Variants in SLCO1B3 observed in about 807,000 individuals in gnomAD.
SLCO1B3 encodes the protein liver-specific organic anion transporter 2.
A neutral mutation model predicts 71.8 loss-of-function variants in SLCO1B3; 72 were observed. That is an observed-to-expected ratio of 1.00 (90% CI 0.83 to 1.22). The LOEUF is 1.22. SLCO1B3 is among the 50% of genes most tolerant of loss of function. The pLI, the probability that SLCO1B3 is intolerant of heterozygous loss-of-function variation, is 0.00. For missense variants in SLCO1B3, 911 were observed against 819.7 expected, an observed-to-expected ratio of 1.11 and a Z score of -1.36; for synonymous variants, 298 against 278.4, an observed-to-expected ratio of 1.07 and a Z score of -0.70.
intron 3 of SLCO1B3, chr12:20,845,157 G>A: frequency 6.5e-6 from 3 of 464,058 alleles, no homozygotes; most frequent in Non-Finnish European, 8.6e-6. Flanking sequence ...AGCTCACCGG[G>A]CTGATTGTGA....
intron 3 of SLCO1B3, among the ~76,000 whole-genome samples, chr12:20,836,798 C>T (rs139245327): frequency 0.048 from 7,253 of 152,056 alleles, 228 homozygotes; most frequent in East Asian, 0.18. Flanking sequence ...CCCACCACCA[C>T]GCCTGGCTAA....
intron 3 of SLCO1B3, among the ~76,000 whole-genome samples, chr12:20,829,931 T>C (rs1359096381): frequency 6.6e-6 from 1 of 152,172 alleles, no homozygotes; most frequent in Non-Finnish European, 1.5e-5. Context: ...TGTGGCCATT[T>C]GGTTTTGGTG....
intron 3 of SLCO1B3, chr12:20,845,125 C>A: frequency 2.3e-6 from 1 of 441,754 alleles, no homozygotes. Flanking sequence ...TATTATCCAG[C>A]AAGACTTAGA....
chr12:20,828,644 C>G (rs11519058), intron 3 of SLCO1B3, among the ~76,000 whole-genome samples: 68,045 of 149,936 alleles, frequency 0.45, 17,666 homozygotes, highest in South Asian at 0.65. Context: ...CACACACACA[C>G]ATACACACAC....
In SLCO1B3 at chr12:20,897,311, C is replaced by T. The variant is rs553722570; in HGVS notation, c.1683-1125C>T. Among the ~76,000 whole-genome samples, 6 of 152,224 alleles carry T rather than the reference C, an allele frequency of 3.9e-5. No individual in the cohort carries two copies. The South Asian group carries it at 6.2e-4, about 16-fold the overall frequency. On this transcript the variant is annotated intron_variant, in intron 13 of 15. Transcript: ENST00000381545. Reference sequence around the variant, plus strand: ...TTTTTGTCTTTTAAAATTTTATAAGCGCTATTGAATTCTTTTCAGAATCTC... The same window carrying T: ...TTTTTGTCTTTTAAAATTTTATAAGTGCTATTGAATTCTTTTCAGAATCTC...
In SLCO1B3 at chr12:20,916,257, G is replaced by T. The variant is rs1248273345; in HGVS notation, c.*10G>T. On this transcript the variant is annotated 3_prime_UTR_variant, in exon 16 of 16. Transcript: ENST00000381545. Reference sequence around the variant, plus strand: ...TGCTGCTGCCAACTAACATTGCATTGATTCATTAAGATGTTATTTTTGAGG... The same window carrying T: ...TGCTGCTGCCAACTAACATTGCATTTATTCATTAAGATGTTATTTTTGAGG... 2.5e-6 allele frequency: 4 copies of T among 1,607,402 alleles called. No individual in the cohort carries two copies. Among genetic ancestry groups the T allele is most frequent in the Non-Finnish European group, 3.4e-6 (4 of 1,176,350 alleles).
chr12:20,909,165 C>CTTTTTTTTTTTTTTTTTTTTTTT (rs1006708034), intron 15 of SLCO1B3, among the ~76,000 whole-genome samples: 1 of 123,864 alleles, frequency 8.1e-6, no homozygotes, highest in African/African-American at 3.0e-5. Flanking sequence ...GCATCTTTTT[C>CTTTTTTTTTTTTTTTTTTTTTTT]TTTTTTTTTT....
chr12:20,844,543 G>A (rs1341624435), intron 3 of SLCO1B3, among the ~76,000 whole-genome samples: 2 of 151,902 alleles, frequency 1.3e-5, no homozygotes, highest in African/African-American at 4.8e-5. Flanking sequence ...ACTCCAGCCT[G>A]GTTGACAGAG....
chr12:20,909,222 G>C (rs1866317855), intron 15 of SLCO1B3, among the ~76,000 whole-genome samples: 1 of 146,578 alleles, frequency 6.8e-6, no homozygotes, highest in African/African-American at 2.5e-5. Context: ...CTGGAGTGCA[G>C]TGGCATGATC....
intron 8 of SLCO1B3, among the ~76,000 whole-genome samples, chr12:20,867,074 G>A (rs1303617445): frequency 6.6e-6 from 1 of 152,062 alleles, no homozygotes; most frequent in African/African-American, 2.4e-5. Flanking sequence ...AATGCTCTTG[G>A]TCATCCAGAA....
In SLCO1B3 at chr12:20,901,399, T is replaced by A; in HGVS notation, c.1797T>A (p.Cys599Ter). The A allele has an allele frequency of 4.4e-6, 7 of 1,591,106 alleles. No individual in the cohort carries two copies. The highest frequency in any genetic ancestry group is 6.0e-6 in the Non-Finnish European group (7 of 1,172,558). The change falls in exon 15 of 16, where the codon TGT becomes TGA. Residue 599 changes from cysteine (C) to a stop codon, truncating the protein, a stop_gained. Coordinates refer to ENST00000381545, the MANE Select transcript of SLCO1B3 (RefSeq NM_019844.4). LOFTEE classifies it high-confidence loss of function. ...TTGGGGCTCTGATTGATAAAACATG[T>A]ATGAAGTGGTCCACCAACAGCTGTG... ...IYFGALIDKT[C>*]MKWSTNSCGA...
intron 15 of SLCO1B3, 59 bp from the exon 16 acceptor site, chr12:20,915,945 A>T (rs1323794190): frequency 2.2e-6 from 3 of 1,367,984 alleles, no homozygotes; most frequent in Non-Finnish European, 3.0e-6. Context: ...GGAGAAAAAA[A>T]TGTAAGATAT....
At chr12:20,880,724 T>G in intron 11 of SLCO1B3, 131 bp from the exon 12 acceptor site, 1 of 565,512 alleles carries the variant, frequency 1.8e-6, no homozygotes, top group Non-Finnish European at 2.8e-6. Flanking sequence ...CTTTCTCTTA[T>G]TTCTCTTCTC....
chr12:20,855,576 G>C (rs1420908763), intron 4 of SLCO1B3, among the ~76,000 whole-genome samples: 1 of 151,792 alleles, frequency 6.6e-6, no homozygotes, highest in Non-Finnish European at 1.5e-5. Flanking sequence ...TAATTCTTAT[G>C]GTTTTAGGTG....
At chr12:20,915,976 A>G in intron 15 of SLCO1B3, 28 bp from the exon 16 acceptor site, 1 of 1,518,190 alleles carries the variant, frequency 6.6e-7, no homozygotes, top group Non-Finnish European at 9.0e-7. Context: ...TAAAATAATA[A>G]TCGACTCTCT....
intron 3 of SLCO1B3, among the ~76,000 whole-genome samples, chr12:20,850,228 G>C (rs1864996685): frequency 6.7e-6 from 1 of 149,732 alleles, no homozygotes; most frequent in Non-Finnish European, 1.5e-5. Context: ...GCAGATGTTT[G>C]ATGTACAGAT....
chr12:20,890,823 T>G (rs534213334), intron 13 of SLCO1B3, among the ~76,000 whole-genome samples: 1 of 152,326 alleles, frequency 6.6e-6, no homozygotes, highest in Non-Finnish European at 1.5e-5. Context: ...AATGCCAGTA[T>G]AACTACTACT....
At chr12:20,877,261 G>A (rs1307906617) in intron 9 of SLCO1B3, among the ~76,000 whole-genome samples, 1 of 152,052 alleles carries the variant, frequency 6.6e-6, no homozygotes, top group Non-Finnish European at 1.5e-5. Flanking sequence ...TTTTTTAAGG[G>A]TAGTGATGTG....
intron 8 of SLCO1B3, among the ~76,000 whole-genome samples, chr12:20,871,430 G>A (rs1865473067): frequency 6.6e-6 from 1 of 151,978 alleles, no homozygotes; most frequent in South Asian, 2.1e-4. Context: ...TAATTTGTTT[G>A]GTGAGGTCAT....
Sources: gnomAD v4.1 joint callset for allele counts (sites outside exome capture counted in the v4.1 genomes callset) on GRCh38, gnomAD v4.1.1 for gene constraint, MANE v1.5 for transcripts, NCBI Gene and HGNC (gene_info 2026-07-23, HGNC 2026-07-21) for gene names.